The following TTC28 variants were observed in gnomAD, a reference collection of about 807,000 sequenced individuals.
The protein encoded by TTC28 is tetratricopeptide repeat domain 28, also known as tetratricopeptide repeat protein 28.
In TTC28, 61 loss-of-function variants were observed where a neutral mutation model predicts 198.0. The observed-to-expected ratio is 0.31, with a 90% CI of 0.25 to 0.38. TTC28 has a LOEUF of 0.38. Among genes scored for constraint, TTC28 ranks in the 10% least tolerant of loss-of-function variants. The pLI, the probability that TTC28 is intolerant of heterozygous loss-of-function variation, is 1.00. For synonymous variants in TTC28, 1,171 were observed against 1,297.8 expected (o/e 0.90, Z 2.10); for missense variants, 2,678 against 3,164.0 (o/e 0.85, Z 3.69).
At chr22:28,319,210 C>A (rs781266698) in intron 2 of TTC28, among the ~76,000 whole-genome samples, 2 of 152,160 alleles carry the variant, frequency 1.3e-5, no homozygotes, top group Non-Finnish European at 1.5e-5. Flanking sequence ...CTGCCCTGTT[C>A]TCATCACTTA....
In TTC28 at chr22:28,188,557, G is replaced by A. The variant is rs138411703; in HGVS notation, c.934-24958C>T. 2.1e-3 allele frequency among the ~76,000 whole-genome samples: 325 copies of A among 152,248 alleles called. 3 individuals carry two copies. Among genetic ancestry groups the A allele is most frequent in the African/African-American group, 7.5e-3 (310 of 41,556 alleles). ...CTGCTCCCCTAATCTGGCAAAAGAC[G>A]GGGGCCAAGATGGGGGCCTACTGTC... On this transcript the variant is annotated intron_variant, in intron 5 of 22. Transcript: ENST00000397906.
rs139204107 is a variant in TTC28, at chr22:28,277,828, G to A, written c.933+18370C>T. On this transcript the variant is annotated intron_variant, in intron 5 of 22. Coordinates refer to ENST00000397906, the MANE Select transcript of TTC28 (RefSeq NM_001145418.2). ...GCTTCAGTTTCTCCAATCTGGCCCC[G>A]AGGATCCCAAAGTTAAAAATCAAGA... Among the ~76,000 whole-genome samples, 209 of 152,126 alleles carry A rather than the reference G, an allele frequency of 1.4e-3. 1 individual carries two copies. The East Asian group carries it at 0.032, about 23-fold the overall frequency.
At chr22:28,250,034 G>A (rs1380632043) in intron 5 of TTC28, among the ~76,000 whole-genome samples, 2 of 152,186 alleles carry the variant, frequency 1.3e-5, no homozygotes, top group Admixed American at 1.3e-4. Context: ...CTACACATTA[G>A]AGAGGTGTCT....
intron 2 of TTC28, among the ~76,000 whole-genome samples, chr22:28,565,813 C>G (rs140575792): frequency 6.1e-4 from 92 of 151,880 alleles, no homozygotes; most frequent in Non-Finnish European, 9.0e-4. Context: ...TTCCTTATAC[C>G]ACATCTGCCA....
chr22:28,487,859 T>C (rs2048330842), intron 2 of TTC28, among the ~76,000 whole-genome samples: 1 of 152,214 alleles, frequency 6.6e-6, no homozygotes, highest in African/African-American at 2.4e-5. Context: ...TTATAAAGGA[T>C]TGAATATTTT....
chr22:28,122,011 G>A (rs909436870), intron 6 of TTC28, among the ~76,000 whole-genome samples: 3 of 152,094 alleles, frequency 2.0e-5, no homozygotes, highest in Admixed American at 6.5e-5. Context: ...GGGATTACAG[G>A]AGCACGCCAC....
chr22:28,515,040 T>C (rs562993287), intron 2 of TTC28, among the ~76,000 whole-genome samples: 6 of 152,232 alleles, frequency 3.9e-5, no homozygotes, highest in Non-Finnish European at 8.8e-5. Context: ...CTCTGGCAGG[T>C]GCTGTTTACT....
At chr22:28,224,398 G>A (rs1052932311) in intron 5 of TTC28, among the ~76,000 whole-genome samples, 2 of 152,052 alleles carry the variant, frequency 1.3e-5, no homozygotes, top group South Asian at 2.1e-4. Context: ...CTCAAGGGCC[G>A]CTCTGTTCTC....
intron 12 of TTC28, among the ~76,000 whole-genome samples, chr22:28,087,202 A>C (rs1005179779): frequency 2.2e-4 from 34 of 152,118 alleles, no homozygotes; most frequent in Middle Eastern, 3.4e-3. Flanking sequence ...GGCAGAGACA[A>C]AACAAAAAAA....
chr22:28,323,138 G>T (rs2045473141), intron 2 of TTC28, among the ~76,000 whole-genome samples: 1 of 152,118 alleles, frequency 6.6e-6, no homozygotes, highest in Admixed American at 6.6e-5. Flanking sequence ...ACCACGCTGG[G>T]CAATCTCAGG....
chr22:28,357,640 C>T (rs2046099129), intron 2 of TTC28, among the ~76,000 whole-genome samples: 1 of 152,148 alleles, frequency 6.6e-6, no homozygotes. Context: ...CAATTCCAGA[C>T]AGATTTTGTT....
At chr22:27,989,374 A>G (rs561088840) in intron 21 of TTC28, among the ~76,000 whole-genome samples, 9 of 152,298 alleles carry the variant, frequency 5.9e-5, no homozygotes, top group African/African-American at 2.2e-4. Flanking sequence ...TTAGCTCCTA[A>G]TAACACTTGA....
chr22:28,228,769 C>G (rs940622775), intron 5 of TTC28, among the ~76,000 whole-genome samples: 4 of 152,136 alleles, frequency 2.6e-5, no homozygotes, highest in African/African-American at 7.2e-5. Flanking sequence ...GAAGGTCACT[C>G]TAAGACACTG....
intron 2 of TTC28, among the ~76,000 whole-genome samples, chr22:28,337,170 T>C (rs1354773965): frequency 1.3e-5 from 2 of 152,252 alleles, no homozygotes; most frequent in African/African-American, 4.8e-5. Flanking sequence ...TTCTTAATCC[T>C]GAGATCTAGT....
At chr22:28,158,903 A>G (rs1340359591) in intron 6 of TTC28, among the ~76,000 whole-genome samples, 2 of 152,220 alleles carry the variant, frequency 1.3e-5, no homozygotes, top group African/African-American at 4.8e-5. Context: ...AAAAGCAAAA[A>G]TGGACAAGTG....
At position 28,083,598 on chromosome 22, in the gene TTC28, G is replaced by A. The variant is rs537373396; in HGVS notation, c.3932+10482C>T. 6.8e-4 allele frequency among the ~76,000 whole-genome samples: 104 copies of A among 152,354 alleles called. 1 individual carries two copies. The highest frequency in any genetic ancestry group is 1.3e-3 in the Non-Finnish European group (88 of 68,034). ...TCCCAGCGTGAGCGATGCAGAAGAC[G>A]GGTGATTTTTGCATTTCCAACTGAG... On this transcript the variant is annotated intron_variant, in intron 12 of 22. Coordinates refer to ENST00000397906, the MANE Select transcript of TTC28 (RefSeq NM_001145418.2).
chr22:27,988,281 CTTTT>C (rs138641), intron 21 of TTC28, among the ~76,000 whole-genome samples: 4 of 99,428 alleles, frequency 4.0e-5, no homozygotes, highest in South Asian at 6.9e-4. Flanking sequence ...AAGAAGCTTG[CTTTT>C]TTTTTTTTTT....
intron 2 of TTC28, among the ~76,000 whole-genome samples, chr22:28,530,655 G>C (rs1462105792): frequency 6.6e-6 from 1 of 152,210 alleles, no homozygotes; most frequent in Non-Finnish European, 1.5e-5. Context: ...AGGGCAGCCA[G>C]AGAGAAAGGT....
chr22:28,198,815 G>A (rs762990297), intron 5 of TTC28, among the ~76,000 whole-genome samples: 1 of 152,242 alleles, frequency 6.6e-6, no homozygotes, highest in South Asian at 2.1e-4. Flanking sequence ...GAAAGAGCAT[G>A]GATGATTACA....
Sources: allele counts gnomAD v4.1 joint callset (sites outside exome capture counted in the v4.1 genomes callset), GRCh38; gene constraint gnomAD v4.1.1; transcripts MANE v1.5; gene names NCBI Gene and HGNC (gene_info 2026-07-23, HGNC 2026-07-21).